The following MON2 variants were observed in gnomAD, a reference collection of about 807,000 sequenced individuals.
The protein encoded by MON2 is MON2 regulator of endosome-to-Golgi trafficking.
A neutral mutation model predicts 208.6 loss-of-function variants in MON2; 84 were observed. The ratio of observed to expected loss-of-function variants is 0.40; its 90% CI spans 0.34 to 0.48. The LOEUF (loss-of-function observed/expected upper bound fraction) is 0.48, where lower values mean the gene tolerates loss of function less well. Ranked by LOEUF, MON2 falls within the 20% of genes least tolerant of loss-of-function variation. The pLI, the probability that MON2 is intolerant of heterozygous loss-of-function variation, is 0.59. For missense variants in MON2, 1,611 were observed against 2,015.4 expected, an observed-to-expected ratio of 0.80 and a Z score of 3.84; for synonymous variants, 660 against 694.0, an observed-to-expected ratio of 0.95 and a Z score of 0.77.
At chr12:62,492,174 C>T (rs117541723) in intron 2 of MON2, among the ~76,000 whole-genome samples, 6,897 of 152,136 alleles carry the variant, frequency 0.045, 220 homozygotes, top group Non-Finnish European at 0.059. Context: ...TTTACCATAC[C>T]ATAAAGACAG....
At chr12:62,583,932 C>T (rs2075097599) in intron 32 of MON2, among the ~76,000 whole-genome samples, 1 of 147,814 alleles carries the variant, frequency 6.8e-6, no homozygotes, top group Admixed American at 6.8e-5. Flanking sequence ...TGCACTCCAG[C>T]CTGGGTGACA....
chr12:62,527,904 C>G (rs948404225), intron 11 of MON2, among the ~76,000 whole-genome samples: 38 of 151,158 alleles, frequency 2.5e-4, no homozygotes, highest in African/African-American at 8.7e-4. Context: ...TTGTAGAACT[C>G]CTTTTTAAAA....
intron 8 of MON2, among the ~76,000 whole-genome samples, chr12:62,517,193 C>T (rs1184068127): frequency 6.6e-6 from 1 of 152,156 alleles, no homozygotes; most frequent in Non-Finnish European, 1.5e-5. Flanking sequence ...TGTTTCTTAA[C>T]TACATTAAGT....
At chr12:62,570,261 C>T (rs954379641) in intron 29 of MON2, among the ~76,000 whole-genome samples, 7 of 152,096 alleles carry the variant, frequency 4.6e-5, no homozygotes, top group African/African-American at 1.7e-4. Flanking sequence ...ACGCTCTACT[C>T]CTGTACCCCT....
rs1389921344 is a variant in MON2 at position 62,534,901 on chromosome 12, G to A, written c.1690G>A (p.Ala564Thr). The A allele has an allele frequency of 1.2e-6, 2 of 1,611,368 alleles. No homozygotes were observed. Among genetic ancestry groups the A allele is most frequent in the African/African-American group, 1.3e-5 (1 of 74,664 alleles). Residue 564 changes from alanine (A) to threonine (T), a missense_variant, in exon 13 of 35, where the codon GCA becomes ACA. By Grantham distance (58) the Ala-to-Thr change is moderately conservative (BLOSUM62 0). Coordinates refer to ENST00000393630, the MANE Select transcript of MON2 (RefSeq NM_015026.3). ...VNACWCGLLA[A>T]LSLLLDASTD... ...TGCCTGCTGGTGTGGTCTTCTTGCT[G>A]CACTCTCACTCCTTCTTGATGCCAG...
chr12:62,573,167 T>G (rs1283659177), intron 30 of MON2, among the ~76,000 whole-genome samples: 1 of 152,214 alleles, frequency 6.6e-6, no homozygotes, highest in East Asian at 1.9e-4. Flanking sequence ...CATACTCTGT[T>G]TCTGAAGGAA....
At chr12:62,500,198 TTTTTC>T (rs1228155676) in intron 5 of MON2, among the ~76,000 whole-genome samples, 1 of 152,158 alleles carries the variant, frequency 6.6e-6, no homozygotes, top group African/African-American at 2.4e-5. Flanking sequence ...ACTTAGAACT[TTTTTC>T]TTTTCAGGTA....
At chr12:62,561,815 A>G (rs1386285438) in intron 26 of MON2, among the ~76,000 whole-genome samples, 1 of 152,190 alleles carries the variant, frequency 6.6e-6, no homozygotes, top group East Asian at 1.9e-4. Flanking sequence ...AGATTGGAGT[A>G]GATCTAGATT....
chr12:62,563,604 C>G (rs1198718978), intron 26 of MON2, among the ~76,000 whole-genome samples: 1 of 151,946 alleles, frequency 6.6e-6, no homozygotes, highest in Non-Finnish European at 1.5e-5. Context: ...TGAAGAAAAG[C>G]CCATAAAAAC....
At position 62,597,670 on chromosome 12, in the gene MON2, A is replaced by G. The variant is rs887959730; in HGVS notation, c.*4921A>G. 4 of 152,230 alleles carry G rather than the reference A, an allele frequency of 2.6e-5. No homozygotes were observed. Among genetic ancestry groups the G allele is most frequent in the Non-Finnish European group, 4.4e-5 (3 of 68,036 alleles). The allele number at this position is 152,230 out of a possible 1,614,324, so 9.4% of individuals were successfully genotyped here. On this transcript the variant is annotated 3_prime_UTR_variant, in exon 35 of 35. Coordinates refer to ENST00000393630, the MANE Select transcript of MON2 (RefSeq NM_015026.3). ...TTGCTATAAATATGATGGATTCAGC[A>G]CCTAAATTTGGAATAATCATGTCTT...
rs1273386391 is a variant in MON2, at chr12:62,537,235, T to C, written c.1985T>C (p.Leu662Ser). The C allele has an allele frequency of 1.9e-6, 3 of 1,611,650 alleles. No individual in the cohort carries two copies. The highest frequency in any genetic ancestry group is 1.7e-6 in the Non-Finnish European group (2 of 1,178,050). Residue 662 changes from leucine (L) to serine (S), a missense_variant, in exon 15 of 35, where the codon TTA becomes TCA. By Grantham distance (145) the Leu-to-Ser change is moderately radical (BLOSUM62 -2). Coordinates refer to ENST00000393630, the MANE Select transcript of MON2 (RefSeq NM_015026.3). ...CAAGTTGTGGCAGTGGGTCAACCTT[T>C]AGCAGTCCAGCCTCAAGGGACAGTA... The part of the protein sequence containing the change: ...HQQVVAVGQP[L>S]AVQPQGTVML...
Position 62,571,575 on chromosome 12 carries a change from A to G in MON2, c.4507A>G (p.Thr1503Ala). The change falls in exon 30 of 35, where the codon ACT becomes GCT. Residue 1503 changes from threonine (T) to alanine (A), a missense_variant. Physicochemically the swap from Thr to Ala is moderately conservative, Grantham distance 58. Transcript: ENST00000393630. ...LANTFEDFLF[T>A]KSIPPDNLSI... ...CAATACTTTTGAAGATTTTCTCTTT[A>G]CTAAAAGGTCAGCTCATTCATTTTT... The G allele has an allele frequency of 1.2e-6, 2 of 1,606,958 alleles. No individual in the cohort carries two copies. The highest frequency in any genetic ancestry group is 1.7e-6 in the Non-Finnish European group (2 of 1,177,266).
intron 1 of MON2, among the ~76,000 whole-genome samples, chr12:62,479,440 C>A (rs1352506672): frequency 1.4e-5 from 2 of 146,228 alleles, no homozygotes; most frequent in African/African-American, 5.0e-5. Flanking sequence ...ATCCCCCCCC[C>A]CCCCCAAATA....
chr12:62,549,588 A>T (rs560882071), intron 22 of MON2, 80 bp from the exon 23 acceptor site: 1 of 1,291,842 alleles, frequency 7.7e-7, no homozygotes, highest in Admixed American at 2.4e-5. Flanking sequence ...CTCCAACCTG[A>T]GTGGCAGAGT....
rs1299731288 is a variant in MON2 at position 62,596,769 on chromosome 12, TC to T, written c.*4021del. 6.6e-6 allele frequency: 1 copy of T among 152,240 alleles called. No individual in the cohort carries two copies. The highest frequency in any genetic ancestry group is 1.5e-5 in the Non-Finnish European group (1 of 68,034). The allele number at this position is 152,240 out of a possible 1,614,324, so 9.4% of individuals were successfully genotyped here. ...ATCTCTGGAAAGTAGAATAGTGCTT[TC>T]ATTTGAATGAAAAGTGTTTATAGAT... is the stretch of plus-strand genomic sequence containing the variant. On this transcript the variant is annotated 3_prime_UTR_variant, in exon 35 of 35. Coordinates refer to ENST00000393630, the MANE Select transcript of MON2 (RefSeq NM_015026.3).
At chr12:62,570,436 T>C (rs1376414475) in intron 29 of MON2, among the ~76,000 whole-genome samples, 1 of 152,206 alleles carries the variant, frequency 6.6e-6, no homozygotes, top group Non-Finnish European at 1.5e-5. Flanking sequence ...CATTTTATGT[T>C]GTGTTTACTC....
chr12:62,560,434 G>T, intron 25 of MON2, 57 bp from the exon 26 acceptor site: 1 of 1,498,812 alleles, frequency 6.7e-7, no homozygotes. Context: ...TGTCTAATAT[G>T]AAGAGAAAAT....
At chr12:62,506,650 T>C (rs1012578671) in intron 7 of MON2, among the ~76,000 whole-genome samples, 2 of 151,072 alleles carry the variant, frequency 1.3e-5, no homozygotes, top group Admixed American at 6.6e-5. Context: ...TGCTTGAACC[T>C]GGGAGGTGGA....
At position 62,500,783 on chromosome 12, in the gene MON2, ATAT is replaced by A. The variant is rs757492964; in HGVS notation, c.570_572del (p.Ile191del). 6 of 1,543,716 alleles carry A rather than the reference ATAT, an allele frequency of 3.9e-6. No homozygotes were observed. In the South Asian group the frequency reaches 7.2e-5, roughly 19 times the overall value. On this transcript the variant is annotated inframe_deletion and splice_region_variant, in exon 6 of 35. Coordinates refer to ENST00000393630, the MANE Select transcript of MON2 (RefSeq NM_015026.3). ...AAAACCCATCCTGTTTTGATTGCAG[ATAT>A]TATAGAACAACCAGTACTGGTACAA...
Sources: allele counts gnomAD v4.1 joint callset (sites outside exome capture counted in the v4.1 genomes callset), GRCh38; gene constraint gnomAD v4.1.1; transcripts MANE v1.5; gene names NCBI Gene and HGNC (gene_info 2026-07-23, HGNC 2026-07-21).